The following EXD2 variants were observed in gnomAD, a reference collection of about 807,000 sequenced individuals.
EXD2 encodes exonuclease 3'-5' domain containing 2.
In EXD2, 40 loss-of-function variants were observed where a neutral mutation model predicts 62.5. The observed-to-expected ratio is 0.64, with a 90% CI of 0.50 to 0.83. EXD2 has a LOEUF of 0.83. Among genes scored for constraint, EXD2 ranks in the 40% least tolerant of loss-of-function variants. The pLI, the probability that EXD2 is intolerant of heterozygous loss-of-function variation, is 0.00. For missense variants in EXD2, 671 were observed against 761.8 expected (o/e 0.88, Z 1.40); for synonymous variants, 239 against 291.9 (o/e 0.82, Z 1.85).
In EXD2 at chr14:69,209,515, G is replaced by T. The variant is rs1478331360; in HGVS notation, c.45G>T (p.Leu15=). 6.5e-7 allele frequency: 1 copy of T among 1,550,036 alleles called. No individual in the cohort carries two copies. The change falls in exon 3 of 10, where the codon CTG becomes CTT. Residue 15 remains leucine, a synonymous_variant. Transcript: ENST00000685843. ...NLVALTVTTL[L]GVAVGGFVLW... ...TGGCTTTGACAGTGACTACCCTTCTGGGTGTGGCTGTAGGGGGGTTTGTCC... is the reference window on the plus strand; with the variant it reads ...TGGCTTTGACAGTGACTACCCTTCTTGGTGTGGCTGTAGGGGGGTTTGTCC...
chr14:69,221,563 A>G (rs1047519134), intron 3 of EXD2, among the ~76,000 whole-genome samples: 2 of 151,498 alleles, frequency 1.3e-5, no homozygotes, highest in East Asian at 2.0e-4. Context: ...GGCAAGGAGT[A>G]TGAGACCAGC....
chr14:69,209,851 G>C, intron 3 of EXD2, 48 bp downstream of exon 3: 1 of 1,296,896 alleles, frequency 7.7e-7, no homozygotes, highest in Non-Finnish European at 1.0e-6. Context: ...AACAACTTCT[G>C]CTTTTCCAAC....
intron 3 of EXD2, among the ~76,000 whole-genome samples, chr14:69,221,005 T>C (rs2043168348): frequency 6.6e-6 from 1 of 152,170 alleles, no homozygotes; most frequent in Non-Finnish European, 1.5e-5. Flanking sequence ...TAGCTGGGAC[T>C]ACAGGTGCAT....
Position 69,240,948 on chromosome 14 carries a change from C to G in EXD2, c.1714C>G (p.Leu572Val). 1 of 1,613,640 alleles carries G rather than the reference C, an allele frequency of 6.2e-7. No individual in the cohort carries two copies. The highest frequency in any genetic ancestry group is 8.5e-7 in the Non-Finnish European group (1 of 1,180,022). Residue 572 changes from leucine to valine, a missense_variant, in exon 10 of 10, where the codon CTG becomes GTG. By Grantham distance (32) the Leu-to-Val change is conservative. Coordinates refer to ENST00000685843, the MANE Select transcript of EXD2 (RefSeq NM_001193360.2). ...GGTGCAGTGTCACAGCCAGGGTGGC[C>G]TGCGCTCCCTCATGCAGCTGGAGAG... is the stretch of plus-strand genomic sequence containing the variant. ...KVVQCHSQGG[L>V]RSLMQLESRW...
At chr14:69,230,420 T>C in intron 4 of EXD2, 52 bp from the exon 5 acceptor site, 1 of 1,318,864 alleles carries the variant, frequency 7.6e-7, no homozygotes, top group Non-Finnish European at 1.1e-6. Flanking sequence ...TTGATTTTCT[T>C]GTCCATGTCC....
At chr14:69,220,173 G>A (rs187424244) in intron 3 of EXD2, among the ~76,000 whole-genome samples, 14 of 149,220 alleles carry the variant, frequency 9.4e-5, no homozygotes, top group African/African-American at 2.0e-4. Flanking sequence ...CCTGTCTGGC[G>A]CCTGCACCTG....
intron 2 of EXD2, among the ~76,000 whole-genome samples, chr14:69,208,018 C>G (rs2042667075): frequency 6.6e-6 from 1 of 151,866 alleles, no homozygotes; most frequent in African/African-American, 2.4e-5. Context: ...CCTGCCTCAG[C>G]CTCCTGAGTA....
intron 1 of EXD2, among the ~76,000 whole-genome samples, chr14:69,193,889 G>A (rs2042113467): frequency 6.6e-6 from 1 of 152,016 alleles, no homozygotes; most frequent in African/African-American, 2.4e-5. Context: ...GTAAAAGCGA[G>A]GGTGCTGCTA....
Position 69,209,702 on chromosome 14 carries a change from A to C in EXD2, c.232A>C (p.Lys78Gln). ...SSWKERILKAKVVTVSQEAEW... is the reference protein window; with the variant it reads ...SSWKERILKAQVVTVSQEAEW... Reference sequence around the variant, plus strand: ...GTGGAAGGAACGGATCCTTAAAGCAAAGGTGGTGACGGTGTCTCAGGAGGC... The same window carrying C: ...GTGGAAGGAACGGATCCTTAAAGCACAGGTGGTGACGGTGTCTCAGGAGGC... The change falls in exon 3 of 10, where the codon AAG becomes CAG. Residue 78 changes from lysine to glutamine, a missense_variant. Coordinates refer to ENST00000685843, the MANE Select transcript of EXD2 (RefSeq NM_001193360.2). 1 of 1,550,538 alleles carries C rather than the reference A, an allele frequency of 6.4e-7. No homozygotes were observed.
intron 7 of EXD2, 80 bp from the exon 8 acceptor site, chr14:69,236,327 A>G: frequency 6.2e-7 from 1 of 1,605,744 alleles, no homozygotes; most frequent in Non-Finnish European, 8.5e-7. Flanking sequence ...ATAGCAGAGA[A>G]CAGTGAAGGT....
intron 1 of EXD2, among the ~76,000 whole-genome samples, chr14:69,193,788 A>G (rs1455844783): frequency 6.6e-6 from 1 of 151,920 alleles, no homozygotes; most frequent in Non-Finnish European, 1.5e-5. Flanking sequence ...CTTAAATGGC[A>G]GAGATTTTTG....
intron 5 of EXD2, among the ~76,000 whole-genome samples, chr14:69,233,720 C>T (rs112298263): frequency 7.9e-5 from 12 of 151,058 alleles, no homozygotes; most frequent in Non-Finnish European, 1.2e-4. Flanking sequence ...GGATTACAAG[C>T]GTGAGCCACC....
intron 1 of EXD2, among the ~76,000 whole-genome samples, chr14:69,203,495 G>T (rs566135831): frequency 6.6e-6 from 1 of 152,284 alleles, no homozygotes; most frequent in Non-Finnish European, 1.5e-5. Context: ...GACTATAAGG[G>T]GAGTCTCAGA....
At chr14:69,228,694 C>T (rs2043457869) in intron 3 of EXD2, 122 bp from the exon 4 acceptor site, 2 of 1,303,714 alleles carry the variant, frequency 1.5e-6, no homozygotes, top group African/African-American at 3.0e-5. Flanking sequence ...AAACCAAAAC[C>T]TGGTCAGATG....
At chr14:69,215,370 C>G (rs1167235705) in intron 3 of EXD2, among the ~76,000 whole-genome samples, 1 of 151,614 alleles carries the variant, frequency 6.6e-6, no homozygotes, top group African/African-American at 2.4e-5. Flanking sequence ...GGGGCTCTTG[C>G]AAAGAATGGT....
rs933457853 is a variant in EXD2, at chr14:69,243,776, T to G, written c.*2676T>G. 5 of 152,154 alleles carry G rather than the reference T, an allele frequency of 3.3e-5. No individual in the cohort carries two copies. Among genetic ancestry groups the G allele is most frequent in the Non-Finnish European group, 7.4e-5 (5 of 68,020 alleles). The allele number at this position is 152,154 out of a possible 1,614,324, so 9.4% of individuals were successfully genotyped here. On this transcript the variant is annotated 3_prime_UTR_variant, in exon 10 of 10. Transcript: ENST00000685843. ...CTTCTCTTTGACCCTTTAGCTCCAG[T>G]GTCCCAGCATAGTCACTGGGCTTCA...
At chr14:69,222,129 C>A (rs1159514745) in intron 3 of EXD2, among the ~76,000 whole-genome samples, 2 of 150,668 alleles carry the variant, frequency 1.3e-5, no homozygotes, top group Non-Finnish European at 3.0e-5. Context: ...TTTATGATAT[C>A]CTCTGAAAAA....
At chr14:69,210,881 AAG>A (rs931940144) in intron 3 of EXD2, among the ~76,000 whole-genome samples, 2 of 152,218 alleles carry the variant, frequency 1.3e-5, no homozygotes, top group Non-Finnish European at 2.9e-5. Context: ...TATCTTTAAA[AAG>A]TACATTAATT....
intron 5 of EXD2, among the ~76,000 whole-genome samples, chr14:69,234,278 T>C (rs1035196975): frequency 1.3e-5 from 2 of 152,188 alleles, no homozygotes; most frequent in Non-Finnish European, 2.9e-5. Flanking sequence ...TCTTAATGAA[T>C]CATGATTTCA....
Sources: gnomAD v4.1 joint callset for allele counts (sites outside exome capture counted in the v4.1 genomes callset) on GRCh38, gnomAD v4.1.1 for gene constraint, MANE v1.5 for transcripts, NCBI Gene and HGNC (gene_info 2026-07-23, HGNC 2026-07-21) for gene names.